Variants in WDR7 observed in about 807,000 individuals in gnomAD.
WDR7 encodes the protein WD repeat domain 7, also known as WD repeat-containing protein 7.
In WDR7, 46 loss-of-function variants were observed where a neutral mutation model predicts 169.4. That is an observed-to-expected ratio of 0.27 (90% CI 0.21 to 0.35). The LOEUF (loss-of-function observed/expected upper bound fraction) is 0.35, where lower values mean the gene tolerates loss of function less well. Ranked by LOEUF, WDR7 falls within the 10% of genes least tolerant of loss-of-function variation. The pLI, the probability that WDR7 is intolerant of heterozygous loss-of-function variation, is 1.00. For missense variants in WDR7, 1,534 were observed against 1,859.3 expected, an observed-to-expected ratio of 0.83 and a Z score of 3.22; for synonymous variants, 612 against 666.8, an observed-to-expected ratio of 0.92 and a Z score of 1.27.
chr18:56,801,152 GA>G (rs1441535496), intron 19 of WDR7, among the ~76,000 whole-genome samples: 1 of 151,972 alleles, frequency 6.6e-6, no homozygotes, highest in Non-Finnish European at 1.5e-5. Flanking sequence ...TTGAATTTGA[GA>G]AATCTTTCAT....
chr18:56,693,820 C>T (rs1040747547), intron 9 of WDR7, among the ~76,000 whole-genome samples: 2 of 152,056 alleles, frequency 1.3e-5, no homozygotes, highest in African/African-American at 4.8e-5. Context: ...GATCTGCCCG[C>T]TGCAGCCTCC....
intron 22 of WDR7, among the ~76,000 whole-genome samples, chr18:56,926,103 G>A (rs1183492297): frequency 6.6e-6 from 1 of 152,202 alleles, no homozygotes; most frequent in Non-Finnish European, 1.5e-5. Context: ...ACTCTAGAAT[G>A]AGCAGTTTAG....
intron 20 of WDR7, among the ~76,000 whole-genome samples, chr18:56,869,613 G>T (rs549144692): frequency 2.6e-5 from 4 of 152,302 alleles, no homozygotes; most frequent in Non-Finnish European, 5.9e-5. Flanking sequence ...ACACACAGTA[G>T]CTTTGATAAT....
At chr18:56,801,934 A>C (rs2044679799) in intron 19 of WDR7, among the ~76,000 whole-genome samples, 2 of 152,150 alleles carry the variant, frequency 1.3e-5, no homozygotes. Flanking sequence ...GTATTATGTC[A>C]ATGTAAGTTT....
At chr18:56,810,896 A>C (rs534759934) in intron 19 of WDR7, among the ~76,000 whole-genome samples, 49 of 152,132 alleles carry the variant, frequency 3.2e-4, no homozygotes, top group Non-Finnish European at 6.2e-4. Flanking sequence ...GGACAGTTTC[A>C]AACACCCCAA....
At chr18:56,839,050 C>G (rs2145316869) in intron 20 of WDR7, among the ~76,000 whole-genome samples, 1 of 152,194 alleles carries the variant, frequency 6.6e-6, no homozygotes, top group African/African-American at 2.4e-5. Context: ...TGTTTATGCT[C>G]TATACTTGTG....
intron 22 of WDR7, among the ~76,000 whole-genome samples, chr18:56,925,673 G>T (rs77018264): frequency 6.6e-6 from 1 of 152,158 alleles, no homozygotes; most frequent in South Asian, 2.1e-4. Context: ...TGCTCAGGAA[G>T]TAGAGACCAG....
At chr18:56,665,388 G>T (rs1390204798) in intron 1 of WDR7, among the ~76,000 whole-genome samples, 1 of 20,976 alleles carries the variant, frequency 4.8e-5, no homozygotes, top group Non-Finnish European at 3.2e-3. Context: ...CAATGATGGG[G>T]CAAAAACAAA....
chr18:56,721,645 T>A (rs2026324310), intron 13 of WDR7: 1 of 152,242 alleles, frequency 6.6e-6, no homozygotes, highest in Non-Finnish European at 1.5e-5. Context: ...ATCAACCGTC[T>A]CGTTCTTCAC....
intron 21 of WDR7, among the ~76,000 whole-genome samples, chr18:56,916,742 T>G (rs1252813956): frequency 3.3e-5 from 5 of 152,214 alleles, no homozygotes; most frequent in Non-Finnish European, 2.9e-5. Flanking sequence ...ACTGGCATTT[T>G]ACTGTTTGTG....
chr18:57,027,540 CTG>C lies in WDR7; in HGVS notation c.*336_*337del. ...ACAGAAGCACAAAAATCAATAAACA[CTG>C]TGATTGCACTCCCAGCCCAGATCAG... On this transcript the variant is annotated 3_prime_UTR_variant, in exon 28 of 28. Coordinates refer to ENST00000254442, the MANE Select transcript of WDR7 (RefSeq NM_015285.3). 1 of 353,468 alleles carries C rather than the reference CTG, an allele frequency of 2.8e-6. No individual in the cohort carries two copies. The highest frequency in any genetic ancestry group is 3.3e-5 in the South Asian group (1 of 30,614). 21.9% of individuals were successfully genotyped at this position (353,468 alleles called of 1,614,324 possible). A position where few individuals can be genotyped will look rare whatever the true frequency, so the allele number is the denominator to read the frequency against.
chr18:56,723,855 A>C (rs2144767484), intron 13 of WDR7, among the ~76,000 whole-genome samples: 1 of 151,978 alleles, frequency 6.6e-6, no homozygotes, highest in East Asian at 1.9e-4. Context: ...TCTTCAGCTC[A>C]CTGTGATGGT....
chr18:56,945,328 T>C (rs1003219691), intron 25 of WDR7, among the ~76,000 whole-genome samples: 2 of 152,222 alleles, frequency 1.3e-5, no homozygotes, highest in Non-Finnish European at 2.9e-5. Context: ...ACTCTTCTAT[T>C]ATGCAATTCG....
At chr18:56,831,081 G>T (rs1006147267) in intron 20 of WDR7, among the ~76,000 whole-genome samples, 5 of 152,192 alleles carry the variant, frequency 3.3e-5, no homozygotes, top group Admixed American at 6.5e-5. Context: ...CCCAGCCTGG[G>T]AGAGTCCCTG....
intron 25 of WDR7, among the ~76,000 whole-genome samples, chr18:56,961,270 C>T (rs1380525518): frequency 6.6e-6 from 1 of 152,052 alleles, no homozygotes; most frequent in Non-Finnish European, 1.5e-5. Flanking sequence ...AATGCTGTCC[C>T]ATGCCCTGGT....
At chr18:56,729,591 A>G (rs34464807) in intron 13 of WDR7, among the ~76,000 whole-genome samples, 2 of 152,002 alleles carry the variant, frequency 1.3e-5, no homozygotes, top group African/African-American at 4.8e-5. Context: ...TTGTAACTTC[A>G]CAGTACTCCT....
chr18:56,998,710 T>C (rs566798683), intron 26 of WDR7, among the ~76,000 whole-genome samples: 52 of 152,312 alleles, frequency 3.4e-4, no homozygotes, highest in African/African-American at 1.2e-3. Flanking sequence ...TCACTAAAAA[T>C]TAAATGTACT....
intron 13 of WDR7, among the ~76,000 whole-genome samples, chr18:56,726,078 T>C (rs1444087809): frequency 6.6e-6 from 1 of 152,208 alleles, no homozygotes; most frequent in African/African-American, 2.4e-5. Flanking sequence ...TAGTTTGAAG[T>C]CAGGTAGCAT....
At chr18:57,004,329 G>A (rs2048025318) in intron 26 of WDR7, among the ~76,000 whole-genome samples, 1 of 151,984 alleles carries the variant, frequency 6.6e-6, no homozygotes, top group East Asian at 1.9e-4. Context: ...ATATGTCTCT[G>A]GTGTCTACAG....
Sources: gnomAD v4.1 joint callset for allele counts (sites outside exome capture counted in the v4.1 genomes callset) on GRCh38, gnomAD v4.1.1 for gene constraint, MANE v1.5 for transcripts, NCBI Gene and HGNC (gene_info 2026-07-23, HGNC 2026-07-21) for gene names.